KLRF1: variants seen among roughly 807,000 people sequenced by gnomAD.
The protein encoded by KLRF1 is killer cell lectin like receptor F1.
A neutral mutation model predicts 30.7 loss-of-function variants in KLRF1; 27 were observed. The ratio of observed to expected loss-of-function variants is 0.88; its 90% CI spans 0.65 to 1.21. The LOEUF is 1.21. KLRF1 is among the 50% of genes most tolerant of loss of function. The probability of loss-of-function intolerance (pLI) is 0.00; values close to 1 mark genes in which losing one functional copy is unlikely to be tolerated. For missense variants in KLRF1, 246 were observed against 259.3 expected, an observed-to-expected ratio of 0.95 and a Z score of 0.35; for synonymous variants, 92 against 89.3, an observed-to-expected ratio of 1.03 and a Z score of -0.17.
intron 3 of KLRF1, among the ~76,000 whole-genome samples, chr12:9,839,006 G>A (rs531165382): frequency 1.2e-4 from 19 of 152,014 alleles, no homozygotes; most frequent in Non-Finnish European, 2.8e-4. Context: ...ATTTGGAGAC[G>A]GGGTCTTTAG....
At chr12:9,830,505 A>G (rs1442876494) in intron 1 of KLRF1, among the ~76,000 whole-genome samples, 1 of 151,970 alleles carries the variant, frequency 6.6e-6, no homozygotes, top group East Asian at 1.9e-4. Flanking sequence ...ACCTTCTTTC[A>G]GTTTTCTCAA....
chr12:9,808,736 C>G, the KLRF1 span, among the ~76,000 whole-genome samples: 1 of 152,008 alleles, frequency 6.6e-6, no homozygotes, highest in Non-Finnish European at 1.5e-5. Context: ...TAGTAAATAT[C>G]CATATGTGTA....
At chr12:9,823,233 A>AAC (rs1318112905), upstream of KLRF1, among the ~76,000 whole-genome samples, 3 of 148,206 alleles carry the variant, frequency 2.0e-5, no homozygotes, top group East Asian at 5.8e-4. Flanking sequence ...GCAAAAAAAA[A>AAC]AAACAAAAAC....
At chr12:9,817,956 G>T in the KLRF1 span, 11 of 209,714 alleles carry the variant, frequency 5.2e-5, no homozygotes, top group East Asian at 1.1e-3. Flanking sequence ...GAGGCAGTTT[G>T]GTCCTCATCA....
the KLRF1 span, among the ~76,000 whole-genome samples, chr12:9,816,685 G>T: frequency 6.7e-6 from 1 of 149,962 alleles, no homozygotes; most frequent in Non-Finnish European, 1.5e-5. Flanking sequence ...AGTAGCCCTG[G>T]TTTTTAAGTG....
intron 3 of KLRF1, among the ~76,000 whole-genome samples, chr12:9,837,414 G>T (rs955436681): frequency 1.3e-5 from 2 of 151,524 alleles, no homozygotes; most frequent in African/African-American, 2.4e-5. Context: ...ATAGTTTTAT[G>T]TATATCTGTA....
At chr12:9,809,976 A>G in the KLRF1 span, among the ~76,000 whole-genome samples, 1 of 152,204 alleles carries the variant, frequency 6.6e-6, no homozygotes, top group Admixed American at 6.5e-5. Context: ...AAGATCAATT[A>G]GCAAGGTTGA....
At chr12:9,820,440 G>A in the KLRF1 span, among the ~76,000 whole-genome samples, 2 of 152,296 alleles carry the variant, frequency 1.3e-5, no homozygotes, top group South Asian at 2.1e-4. Flanking sequence ...CGAGCCAGTA[G>A]CAGCTCTGCC....
upstream of KLRF1, among the ~76,000 whole-genome samples, chr12:9,827,180 A>G (rs1218175850): frequency 6.6e-6 from 1 of 152,220 alleles, no homozygotes; most frequent in African/African-American, 2.4e-5. Flanking sequence ...TATTTAGGCT[A>G]TAACAAAAGG....
the KLRF1 span, among the ~76,000 whole-genome samples, chr12:9,815,142 A>G: frequency 6.6e-6 from 1 of 152,246 alleles, no homozygotes; most frequent in Admixed American, 6.5e-5. Flanking sequence ...GAATATAAAA[A>G]AGAAATAAAA....
upstream of KLRF1, among the ~76,000 whole-genome samples, chr12:9,824,666 C>T (rs1034641181): frequency 1.3e-5 from 2 of 152,074 alleles, no homozygotes; most frequent in African/African-American, 4.8e-5. Flanking sequence ...GAAGAGAGGA[C>T]GTAAAACTAT....
At chr12:9,842,525 G>A in intron 5 of KLRF1, 92 bp downstream of exon 5, 1 of 1,058,530 alleles carries the variant, frequency 9.4e-7, no homozygotes, top group African/African-American at 1.6e-5. Flanking sequence ...AATAGTTACT[G>A]GTACTACAGA....
chr12:9,844,755 T>C lies in KLRF1; in HGVS notation c.*229T>C. 3.7e-6 allele frequency: 1 copy of C among 270,446 alleles called. No homozygotes were observed. Among genetic ancestry groups the C allele is most frequent in the East Asian group, 6.5e-5 (1 of 15,322 alleles). The allele number at this position is 270,446 out of a possible 1,614,324, so 16.8% of individuals were successfully genotyped here. On this transcript the variant is annotated 3_prime_UTR_variant, in exon 6 of 6. Coordinates refer to ENST00000617889, the MANE Select transcript of KLRF1 (RefSeq NM_016523.3). Reference sequence around the variant, plus strand: ...GATAGTATAAACCAATGTGACTTCATGTGATCATATCCAGGATTTTTATTC... The same window carrying C: ...GATAGTATAAACCAATGTGACTTCACGTGATCATATCCAGGATTTTTATTC...
intron 2 of KLRF1, among the ~76,000 whole-genome samples, chr12:9,832,781 A>G (rs1867469093): frequency 6.6e-6 from 1 of 152,096 alleles, no homozygotes; most frequent in Non-Finnish European, 1.5e-5. Context: ...AAATATTTTA[A>G]TACATTTTAT....
chr12:9,828,819 G>A (rs1032595597), intron 1 of KLRF1, among the ~76,000 whole-genome samples: 7 of 151,840 alleles, frequency 4.6e-5, no homozygotes, highest in Admixed American at 3.9e-4. Flanking sequence ...TTTCATTTTT[G>A]GAAATTAGAG....
chr12:9,806,818 C>T, the KLRF1 span, among the ~76,000 whole-genome samples: 71 of 152,004 alleles, frequency 4.7e-4, 3 homozygotes, highest in Admixed American at 3.1e-3. Flanking sequence ...GTAGCTGAGA[C>T]GACAGGCACA....
At chr12:9,811,336 AG>A in the KLRF1 span, among the ~76,000 whole-genome samples, 120 of 132,104 alleles carry the variant, frequency 9.1e-4, no homozygotes, top group African/African-American at 3.1e-3. Flanking sequence ...AAAAAAAAAA[AG>A]AGAGAAAACA....
chr12:9,840,424 A>G (rs1238586074), intron 3 of KLRF1, among the ~76,000 whole-genome samples: 4 of 152,058 alleles, frequency 2.6e-5, no homozygotes, highest in Non-Finnish European at 1.5e-5. Context: ...AAATAGTTAT[A>G]TTGGCCTTTA....
At chr12:9,839,971 TAAAC>T (rs1867666541) in intron 3 of KLRF1, among the ~76,000 whole-genome samples, 1 of 152,096 alleles carries the variant, frequency 6.6e-6, no homozygotes, top group South Asian at 2.1e-4. Context: ...GATGAAGAGA[TAAAC>T]AAAATGCACT....
Sources: gnomAD v4.1 joint callset for allele counts (sites outside exome capture counted in the v4.1 genomes callset) on GRCh38, gnomAD v4.1.1 for gene constraint, MANE v1.5 for transcripts, NCBI Gene and HGNC (gene_info 2026-07-23, HGNC 2026-07-21) for gene names.